The following ALKBH8 variants were observed in gnomAD, a reference collection of about 807,000 sequenced individuals.
ALKBH8 encodes alkB homolog 8, tRNA methyltransferase, also known as tRNA (carboxymethyluridine(34)-5-O)-methyltransferase ALKBH8.
Under a neutral mutation model 59.8 loss-of-function variants are expected in ALKBH8, and 36 were observed. The ratio of observed to expected loss-of-function variants is 0.60; its 90% CI spans 0.46 to 0.79. ALKBH8 has a LOEUF of 0.79. Among genes scored for constraint, ALKBH8 ranks in the 30% least tolerant of loss-of-function variants. ALKBH8 has a pLI of 0.00. For synonymous variants in ALKBH8, 276 were observed against 273.6 expected (o/e 1.01, Z -0.09); for missense variants, 768 against 801.0 (o/e 0.96, Z 0.50).
In ALKBH8 at chr11:107,556,823, CT is replaced by C; in HGVS notation, c.309del (p.Glu104LysfsTer2). 6.6e-7 allele frequency: 1 copy of C among 1,515,954 alleles called. No individual in the cohort carries two copies. Among genetic ancestry groups the C allele is most frequent in the Non-Finnish European group, 8.9e-7 (1 of 1,129,596 alleles). 93.9% of individuals were successfully genotyped at this position (1,515,954 alleles called of 1,614,324 possible). ...SKRAYVTLNG[K>X]EVVDDLGQKI... ...TTTTGTCCTAAATCATCCACTACTT[CT>C]TTTCCATTGAGGGTAACATAGGCTC... On this transcript the variant is annotated frameshift_variant, in exon 3 of 12. Coordinates refer to ENST00000428149, the MANE Select transcript of ALKBH8 (RefSeq NM_138775.3). LOFTEE classifies it high-confidence loss of function.
chr11:107,547,865 CA>C (rs1482537227), intron 7 of ALKBH8, among the ~76,000 whole-genome samples: 4 of 152,086 alleles, frequency 2.6e-5, no homozygotes, highest in African/African-American at 9.7e-5. Flanking sequence ...CCAGAGACAC[CA>C]AATAGAGATA....
chr11:107,537,976 T>G (rs1431304189), intron 7 of ALKBH8, among the ~76,000 whole-genome samples: 1 of 152,144 alleles, frequency 6.6e-6, no homozygotes, highest in Non-Finnish European at 1.5e-5. Context: ...GAGTCTATAC[T>G]TTCATTTGGA....
At chr11:107,559,327 T>C (rs935484615) in intron 2 of ALKBH8, among the ~76,000 whole-genome samples, 2 of 152,154 alleles carry the variant, frequency 1.3e-5, no homozygotes, top group African/African-American at 4.8e-5. Context: ...AAAGATAAAA[T>C]ATAATTAGAG....
At chr11:107,518,170 GCA>G (rs1862948165) in intron 10 of ALKBH8, among the ~76,000 whole-genome samples, 1 of 151,994 alleles carries the variant, frequency 6.6e-6, no homozygotes. Context: ...TCAAATTATT[GCA>G]CATTCATTAT....
intron 8 of ALKBH8, among the ~76,000 whole-genome samples, chr11:107,530,045 G>T (rs1279431775): frequency 6.6e-6 from 1 of 152,082 alleles, no homozygotes; most frequent in African/African-American, 2.4e-5. Context: ...AATGTTATCA[G>T]ATCTTCTCAA....
intron 10 of ALKBH8, among the ~76,000 whole-genome samples, chr11:107,517,457 T>G (rs1346681399): frequency 6.6e-6 from 1 of 152,200 alleles, no homozygotes; most frequent in Non-Finnish European, 1.5e-5. Flanking sequence ...CAAAGAGATA[T>G]CTGCACTCCC....
Position 107,532,420 on chromosome 11 carries a change from T to C in ALKBH8, c.772-14A>G, listed in dbSNP as rs1361034570. ...ATCCATGACAATCTTGAAGCAAAGA[T>C]AAAAGCATAAAGATCAATCCAAAAT... On this transcript the variant is annotated splice_polypyrimidine_tract_variant and intron_variant, in intron 7 of 11. Coordinates refer to ENST00000428149, the MANE Select transcript of ALKBH8 (RefSeq NM_138775.3). 6.2e-7 allele frequency: 1 copy of C among 1,603,404 alleles called. No individual in the cohort carries two copies. The highest frequency in any genetic ancestry group is 2.2e-5 in the East Asian group (1 of 44,768).
At chr11:107,513,986 C>A (rs773679507) in intron 10 of ALKBH8, among the ~76,000 whole-genome samples, 11 of 151,974 alleles carry the variant, frequency 7.2e-5, no homozygotes, top group Non-Finnish European at 1.5e-4. Flanking sequence ...ACACGGAATC[C>A]CTGTGACATA....
Position 107,565,585 on chromosome 11 carries a change from A to T in ALKBH8, c.-7+16T>A, listed in dbSNP as rs1865101823. ...ATTTGCTGCCCGTATGCCCGCCAGTAAGAAGTGCCACACACCTCCGCTTCG... is the reference window on the plus strand; with the variant it reads ...ATTTGCTGCCCGTATGCCCGCCAGTTAGAAGTGCCACACACCTCCGCTTCG... On this transcript the variant is annotated intron_variant, in intron 1 of 11. Transcript: ENST00000428149. The T allele has an allele frequency of 6.5e-7, 1 of 1,535,706 alleles. No homozygotes were observed. The highest frequency in any genetic ancestry group is 8.7e-7 in the Non-Finnish European group (1 of 1,146,898).
At chr11:107,558,441 G>T (rs903552608) in intron 2 of ALKBH8, among the ~76,000 whole-genome samples, 3 of 152,070 alleles carry the variant, frequency 2.0e-5, no homozygotes, top group African/African-American at 7.2e-5. Context: ...AAAATAACTT[G>T]GTTATATGTG....
intron 10 of ALKBH8, among the ~76,000 whole-genome samples, chr11:107,520,733 A>C (rs1301545897): frequency 6.6e-6 from 1 of 152,200 alleles, no homozygotes; most frequent in African/African-American, 2.4e-5. Flanking sequence ...AAACATGGTA[A>C]CAATATATGA....
chr11:107,562,358 G>C (rs1310581653), intron 1 of ALKBH8, among the ~76,000 whole-genome samples: 1 of 150,590 alleles, frequency 6.6e-6, no homozygotes, highest in Non-Finnish European at 1.5e-5. Flanking sequence ...CAGGAGATTT[G>C]TGCCATGTAC....
intron 1 of ALKBH8, among the ~76,000 whole-genome samples, chr11:107,561,773 T>C (rs767694349): frequency 3.9e-5 from 6 of 152,162 alleles, no homozygotes; most frequent in Non-Finnish European, 5.9e-5. Flanking sequence ...TGCCAGCACA[T>C]AGTAGTTGCT....
Position 107,511,010 on chromosome 11 carries a change from A to G in ALKBH8, c.1314T>C (p.Leu438=). 1 of 1,552,018 alleles carries G rather than the reference A, an allele frequency of 6.4e-7. No homozygotes were observed. Among genetic ancestry groups the G allele is most frequent in the East Asian group, 2.4e-5 (1 of 40,916 alleles). ...ATTGCCTCTCTCTACAAATGTCCACAAGGTTTTGGCTACGATCACAACCAA... is the reference window on the plus strand; with the variant it reads ...ATTGCCTCTCTCTACAAATGTCCACGAGGTTTTGGCTACGATCACAACCAA... ...YMIGCDRSQN[L]VDICRERQFQ... Residue 438 remains leucine (L), a synonymous_variant, in exon 11 of 12, where the codon CTT becomes CTC. Transcript: ENST00000428149.
At chr11:107,549,555 T>C (rs1466362901) in intron 7 of ALKBH8, among the ~76,000 whole-genome samples, 198 bp downstream of exon 7, 1 of 152,220 alleles carries the variant, frequency 6.6e-6, no homozygotes, top group Non-Finnish European at 1.5e-5. Context: ...GTTGTTTTCC[T>C]GGCATCTGAT....
intron 7 of ALKBH8, among the ~76,000 whole-genome samples, chr11:107,542,323 G>A (rs1864075173): frequency 6.6e-6 from 1 of 152,032 alleles, no homozygotes; most frequent in Non-Finnish European, 1.5e-5. Context: ...AGAACCTAGA[G>A]AAATAAACAA....
rs547903319 is a variant in ALKBH8, at chr11:107,551,930, A to G, written c.596-18T>C. The stretch of plus-strand genomic sequence containing the variant: ...AGGAAGACCTACAATGAGTAATCAT[A>G]AAGACAAAACATTAAAATATTTACT... On this transcript the variant is annotated intron_variant, in intron 5 of 11. Transcript: ENST00000428149. 3.7e-5 allele frequency: 50 copies of G among 1,369,052 alleles called. 1 individual carries two copies. The South Asian group carries it at 7.7e-4, about 21-fold the overall frequency. The allele number at this position is 1,369,052 out of a possible 1,614,324, so 84.8% of individuals were successfully genotyped here.
intron 7 of ALKBH8, 117 bp downstream of exon 7, chr11:107,549,636 C>A (rs995275711): frequency 1.3e-5 from 9 of 694,156 alleles, no homozygotes; most frequent in African/African-American, 3.7e-5. Context: ...GCTAATGGTG[C>A]CCTTATTTTT....
chr11:107,546,716 T>C (rs1253918815), intron 7 of ALKBH8, among the ~76,000 whole-genome samples: 2 of 152,156 alleles, frequency 1.3e-5, no homozygotes, highest in Admixed American at 6.5e-5. Context: ...TCCTCACTTA[T>C]ACACATATCA....
Sources: allele counts gnomAD v4.1 joint callset (sites outside exome capture counted in the v4.1 genomes callset), GRCh38; gene constraint gnomAD v4.1.1; transcripts MANE v1.5; gene names NCBI Gene and HGNC (gene_info 2026-07-23, HGNC 2026-07-21).